CSDE1: variants seen among roughly 807,000 people sequenced by gnomAD.
The protein encoded by CSDE1 is cold shock domain-containing protein E1.
Under a neutral mutation model 89.3 loss-of-function variants are expected in CSDE1, and 17 were observed. The ratio of observed to expected loss-of-function variants is 0.19; its 90% confidence interval spans 0.13 to 0.29. The LOEUF (loss-of-function observed/expected upper bound fraction) is 0.29, where lower values mean the gene tolerates loss of function less well. Ranked by LOEUF, CSDE1 falls within the 10% of genes least tolerant of loss-of-function variation. CSDE1 has a pLI of 1.00. For missense variants in CSDE1, 672 were observed against 984.2 expected, an observed-to-expected ratio of 0.68 and a Z score of 4.24; for synonymous variants, 322 against 332.8, an observed-to-expected ratio of 0.97 and a Z score of 0.35.
chr1:114,717,485 T>C lies in CSDE1; in HGVS notation c.*684A>G, dbSNP rs1316620327. ...TGAAATTCTGCACCATACTTACTAA[T>C]TGTAGTAAAGTTACCCCCCAACCCA... On this transcript the variant is annotated 3_prime_UTR_variant, in exon 20 of 20. Transcript: ENST00000358528. 6.6e-6 allele frequency: 1 copy of C among 152,512 alleles called. No individual in the cohort carries two copies. The highest frequency in any genetic ancestry group is 1.5e-5 in the Non-Finnish European group (1 of 68,018). 9.4% of individuals were successfully genotyped at this position (152,512 alleles called of 1,614,324 possible).
At chr1:114,741,889 CAA>C (rs907730237) in intron 2 of CSDE1, among the ~76,000 whole-genome samples, 8 of 152,150 alleles carry the variant, frequency 5.3e-5, no homozygotes, top group African/African-American at 1.9e-4. Flanking sequence ...GAAAATGCCA[CAA>C]AGACTCTTGA....
intron 6 of CSDE1, among the ~76,000 whole-genome samples, chr1:114,735,706 C>A (rs1325016769): frequency 6.6e-6 from 1 of 152,196 alleles, no homozygotes; most frequent in Admixed American, 6.5e-5. Flanking sequence ...CTGGAAGGTA[C>A]ATTACTAGCA....
chr1:114,731,520 T>C (rs1328622458), intron 10 of CSDE1, among the ~76,000 whole-genome samples: 1 of 152,170 alleles, frequency 6.6e-6, no homozygotes, highest in Non-Finnish European at 1.5e-5. Flanking sequence ...TTTCATTCAA[T>C]GTACCCAGTT....
At chr1:114,734,817 T>C (rs1478357031) in intron 6 of CSDE1, among the ~76,000 whole-genome samples, 1 of 152,246 alleles carries the variant, frequency 6.6e-6, no homozygotes, top group East Asian at 1.9e-4. Flanking sequence ...CGTGATGTTC[T>C]ACTCTGTTTT....
rs762405578 is a variant in CSDE1 at position 114,734,539 on chromosome 1, T to G, written c.501-16A>C. ...AGCACCAGTACTAGAAAAAAAATAA[T>G]TGCAGGGAGGAGGAATGAAACAGGG... On this transcript the variant is annotated splice_polypyrimidine_tract_variant and intron_variant, in intron 6 of 19. Transcript: ENST00000358528. 2.5e-6 allele frequency: 4 copies of G among 1,600,304 alleles called. No individual in the cohort carries two copies. The South Asian group carries it at 3.4e-5, about 14-fold the overall frequency.
intron 12 of CSDE1, among the ~76,000 whole-genome samples, chr1:114,728,400 T>G (rs1303793127): frequency 6.6e-6 from 1 of 152,068 alleles, no homozygotes; most frequent in African/African-American, 2.4e-5. Context: ...TCAAATATAT[T>G]AAATAGAGAT....
intron 1 of CSDE1, among the ~76,000 whole-genome samples, chr1:114,751,072 T>G (rs1487326759): frequency 6.6e-6 from 1 of 152,214 alleles, no homozygotes; most frequent in Non-Finnish European, 1.5e-5. Flanking sequence ...TTCAACGTGA[T>G]GTAACAGGAA....
At chr1:114,733,595 A>G in intron 9 of CSDE1, 137 bp downstream of exon 9, 3 of 591,524 alleles carry the variant, frequency 5.1e-6, no homozygotes. Context: ...TTTAGTTTAA[A>G]TATACGTAAC....
In CSDE1 at chr1:114,731,390, T is replaced by TAAA. The variant is rs368044895; in HGVS notation, c.1051-745_1051-743dup. Among the ~76,000 whole-genome samples the TAAA allele has an allele frequency of 2.6e-3, 345 of 134,374 alleles. 1 individual carries two copies. Among genetic ancestry groups the TAAA allele is most frequent in the African/African-American group, 8.7e-3 (326 of 37,490 alleles). The allele number at this position is 134,374 out of a possible 152,430, so 88.2% of individuals were successfully genotyped here. ...AAAACAGATCTTGCCTTTGAAAATG[T>TAAA]AAAAAAAAAAAAAAAAATCACACAT... On this transcript the variant is annotated intron_variant, in intron 10 of 19. Coordinates refer to ENST00000358528, the MANE Select transcript of CSDE1 (RefSeq NM_001007553.3).
In CSDE1 at chr1:114,738,002, T is replaced by A. The variant is rs1222756779; in HGVS notation, c.270A>T (p.Ile90=). The change falls in exon 4 of 20, where the codon ATA becomes ATT. Residue 90 remains isoleucine (I), a synonymous_variant. Coordinates refer to ENST00000358528, the MANE Select transcript of CSDE1 (RefSeq NM_001007553.3). ...GTTCTTCAGGGAGGATTTCTTGTTT[T>A]ATCTTCACCAGTTTAACAGCAATGG... ...GKPIAVKLVK[I]KQEILPEERM... 1.2e-6 allele frequency: 2 copies of A among 1,614,070 alleles called. No individual in the cohort carries two copies. Among genetic ancestry groups the A allele is most frequent in the Non-Finnish European group, 1.7e-6 (2 of 1,179,890 alleles).
At position 114,717,005 on chromosome 1, in the gene CSDE1, C is replaced by G. The variant is rs759292396; in HGVS notation, c.*1164G>C. ...AGAAAGCAAAAATGTTTCGTGTTTA[C>G]AAAGATAAACGGCCTCTTTACCCAG... On this transcript the variant is annotated 3_prime_UTR_variant, in exon 20 of 20. Coordinates refer to ENST00000358528, the MANE Select transcript of CSDE1 (RefSeq NM_001007553.3). The G allele has an allele frequency of 6.6e-6, 1 of 152,512 alleles. No individual in the cohort carries two copies. Among genetic ancestry groups the G allele is most frequent in the Admixed American group, 6.6e-5 (1 of 15,266 alleles). 9.4% of individuals were successfully genotyped at this position (152,512 alleles called of 1,614,324 possible).
intron 2 of CSDE1, among the ~76,000 whole-genome samples, chr1:114,740,864 C>A (rs1384442728): frequency 1.3e-5 from 2 of 152,138 alleles, no homozygotes; most frequent in Non-Finnish European, 2.9e-5. Flanking sequence ...CACTGAAAAT[C>A]TGATTTATAA....
intron 6 of CSDE1, among the ~76,000 whole-genome samples, chr1:114,735,372 A>G (rs1660345272): frequency 1.3e-5 from 2 of 152,248 alleles, no homozygotes; most frequent in Non-Finnish European, 2.9e-5. Context: ...CAAAGACACC[A>G]GAAAAATTCT....
intron 15 of CSDE1, 152 bp downstream of exon 15, chr1:114,725,069 T>G (rs1659722314): frequency 3.0e-6 from 2 of 666,748 alleles, no homozygotes; most frequent in Non-Finnish European, 5.4e-6. Context: ...AGAACGTATA[T>G]TTCTAACAAG....
intron 6 of CSDE1, among the ~76,000 whole-genome samples, chr1:114,734,804 G>C (rs1056510781): frequency 1.2e-4 from 19 of 152,144 alleles, no homozygotes; most frequent in African/African-American, 4.3e-4. Context: ...TTACACATGG[G>C]TGCGTGATGT....
intron 7 of CSDE1, 86 bp from the exon 8 acceptor site, chr1:114,734,203 T>C: frequency 7.0e-7 from 1 of 1,429,806 alleles, no homozygotes; most frequent in Middle Eastern, 2.2e-4. Flanking sequence ...TTTTGTAAAA[T>C]TATACTGTAG....
At chr1:114,757,725 C>A (rs1164470582) in intron 1 of CSDE1, among the ~76,000 whole-genome samples, 200 bp downstream of exon 1, 1 of 152,130 alleles carries the variant, frequency 6.6e-6, no homozygotes, top group South Asian at 2.1e-4. Flanking sequence ...TTCAGCTCTG[C>A]GACCTGACAT....
chr1:114,745,002 TA>T lies in CSDE1; in HGVS notation c.-1+4818del, dbSNP rs927746916. Among the ~76,000 whole-genome samples, 81 of 151,106 alleles carry T rather than the reference TA, an allele frequency of 5.4e-4. 1 individual carries two copies. The highest frequency in any genetic ancestry group is 3.4e-3 in the Middle Eastern group (1 of 292). The stretch of plus-strand genomic sequence containing the variant: ...ACACAAAAGCTAAAACATTAAACAT[TA>T]AAAAAAAACTTGAATTTTTGCAATA... On this transcript the variant is annotated intron_variant, in intron 2 of 19. Coordinates refer to ENST00000358528, the MANE Select transcript of CSDE1 (RefSeq NM_001007553.3).
rs1660978103 is a variant in CSDE1, at chr1:114,745,760, C to T, written c.-1+4061G>A. Among the ~76,000 whole-genome samples the T allele has an allele frequency of 2.0e-5, 3 of 152,182 alleles. No individual in the cohort carries two copies. In the South Asian group the frequency reaches 6.2e-4, roughly 31 times the overall value. Reference sequence around the variant, plus strand: ...AAAGTCATTGACAAAATTAGTCCTCCTTTAATAAAAGCAGAAATGGAACAA... The same window carrying T: ...AAAGTCATTGACAAAATTAGTCCTCTTTTAATAAAAGCAGAAATGGAACAA... On this transcript the variant is annotated intron_variant, in intron 2 of 19. Transcript: ENST00000358528.
Sources: allele counts gnomAD v4.1 joint callset (sites outside exome capture counted in the v4.1 genomes callset), GRCh38; gene constraint gnomAD v4.1.1; transcripts MANE v1.5; gene names NCBI Gene and HGNC (gene_info 2026-07-23, HGNC 2026-07-21).